Variants in ZAP70 observed in about 807,000 individuals in gnomAD.
ZAP70 encodes tyrosine-protein kinase ZAP-70.
Under a neutral mutation model 65.8 loss-of-function variants are expected in ZAP70, and 27 were observed. That is an observed-to-expected ratio of 0.41 (90% confidence interval 0.30 to 0.57). The LOEUF (loss-of-function observed/expected upper bound fraction) is 0.57. Ranked by LOEUF, ZAP70 falls within the 20% of genes least tolerant of loss-of-function variation. The pLI is 0.28. For missense variants in ZAP70, 696 were observed against 870.5 expected, an observed-to-expected ratio of 0.80 and a Z score of 2.52; for synonymous variants, 363 against 360.8, an observed-to-expected ratio of 1.01 and a Z score of -0.07.
chr2:97,724,621 G>A, intron 3 of ZAP70, 183 bp downstream of exon 3: 1 of 1,533,552 alleles, frequency 6.5e-7, no homozygotes, highest in Non-Finnish European at 8.7e-7. Flanking sequence ...CAGGGGCTCC[G>A]TGGTGGCGGT....
intron 4 of ZAP70, 197 bp from the exon 5 acceptor site, chr2:97,732,686 C>T (rs1677657567): frequency 1.4e-6 from 1 of 726,572 alleles, no homozygotes; most frequent in Admixed American, 2.6e-5. Context: ...CATGGCCCCT[C>T]CACCGCCCTC....
the ZAP70 span, among the ~76,000 whole-genome samples, chr2:97,750,988 G>A: frequency 1.3e-5 from 2 of 152,220 alleles, no homozygotes; most frequent in African/African-American, 4.8e-5. Flanking sequence ...TATGCATGAA[G>A]AGCAAATCAA....
chr2:97,732,039 G>A (rs528848936), intron 4 of ZAP70, among the ~76,000 whole-genome samples: 1 of 152,260 alleles, frequency 6.6e-6, no homozygotes, highest in South Asian at 2.1e-4. Context: ...GGGTGCCGGT[G>A]TCTGACACTA....
At position 97,735,312 on chromosome 2, in the gene ZAP70, A is replaced by G; in HGVS notation, c.1145A>G (p.Glu382Gly). The G allele has an allele frequency of 6.2e-7, 1 of 1,614,136 alleles. No homozygotes were observed. Among genetic ancestry groups the G allele is most frequent in the Non-Finnish European group, 8.5e-7 (1 of 1,179,984 alleles). ...GGCACGGAGAAGGCAGACACGGAAG[A>G]GATGATGCGCGAGGCGCAGATCATG... ...KQGTEKADTE[E>G]MMREAQIMHQ... Residue 382 changes from glutamate (E) to glycine (G), a missense_variant, in exon 10 of 14, where the codon GAG becomes GGG. Physicochemically the swap from Glu to Gly is moderately conservative, Grantham distance 98. Coordinates refer to ENST00000264972, the MANE Select transcript of ZAP70 (RefSeq NM_001079.4).
At chr2:97,720,585 C>T (rs1416825410) in intron 2 of ZAP70, among the ~76,000 whole-genome samples, 2 of 152,218 alleles carry the variant, frequency 1.3e-5, no homozygotes. Flanking sequence ...CTGCTGGCCC[C>T]ATGTGATCCA....
intron 4 of ZAP70, among the ~76,000 whole-genome samples, chr2:97,730,219 C>T (rs1009481781): frequency 6.6e-6 from 1 of 152,168 alleles, no homozygotes; most frequent in Admixed American, 6.5e-5. Flanking sequence ...AAGAGCAAAA[C>T]TCTGTCCCAA....
downstream of ZAP70, among the ~76,000 whole-genome samples, chr2:97,744,712 C>T (rs2104718915): frequency 6.6e-6 from 1 of 152,294 alleles, no homozygotes; most frequent in South Asian, 2.1e-4. Context: ...GGGAAGGTGA[C>T]ACAGCTGCAA....
chr2:97,747,718 G>A, the ZAP70 span, among the ~76,000 whole-genome samples: 1 of 149,318 alleles, frequency 6.7e-6, no homozygotes, highest in Non-Finnish European at 1.5e-5. Flanking sequence ...CTCTAAAATG[G>A]TTAAAGTGCA....
At chr2:97,732,602 G>A in intron 4 of ZAP70, 1 of 535,460 alleles carries the variant, frequency 1.9e-6, no homozygotes, top group East Asian at 3.3e-5. Flanking sequence ...TGTCCACCGT[G>A]GGGGGTCAGG....
At chr2:97,714,947 G>T (rs530800195) in intron 2 of ZAP70, among the ~76,000 whole-genome samples, 12 of 152,302 alleles carry the variant, frequency 7.9e-5, no homozygotes, top group African/African-American at 2.6e-4. Flanking sequence ...CTCACCAGCT[G>T]TGTGACTGGA....
At chr2:97,727,997 C>T (rs1677459890) in intron 4 of ZAP70, among the ~76,000 whole-genome samples, 1 of 152,140 alleles carries the variant, frequency 6.6e-6, no homozygotes, top group East Asian at 1.9e-4. Context: ...GGATTTGGGC[C>T]CCTGTTCCAG....
intron 4 of ZAP70, among the ~76,000 whole-genome samples, chr2:97,725,607 G>T (rs538609802): frequency 1.3e-5 from 2 of 152,210 alleles, no homozygotes; most frequent in African/African-American, 2.4e-5. Context: ...CTGAGCACAC[G>T]GCAGTGAGCC....
the ZAP70 span, among the ~76,000 whole-genome samples, chr2:97,748,729 T>C: frequency 6.6e-6 from 1 of 152,366 alleles, no homozygotes; most frequent in Non-Finnish European, 1.5e-5. Flanking sequence ...CTACCCAGCA[T>C]GCACTCTCCA....
chr2:97,743,454 G>A (rs978002862), downstream of ZAP70, among the ~76,000 whole-genome samples: 1 of 152,198 alleles, frequency 6.6e-6, no homozygotes, highest in African/African-American at 2.4e-5. Flanking sequence ...TCCTGCCTCA[G>A]CCTCCTGAGT....
rs766543418 is a variant in ZAP70 at position 97,736,430 on chromosome 2, A to T, written c.1289+974A>T. Among the ~76,000 whole-genome samples the T allele has an allele frequency of 5.3e-5, 8 of 152,172 alleles. No homozygotes were observed. Among genetic ancestry groups the T allele is most frequent in the Non-Finnish European group, 1.2e-4 (8 of 68,032 alleles). On this transcript the variant is annotated intron_variant, in intron 10 of 13. Coordinates refer to ENST00000264972, the MANE Select transcript of ZAP70 (RefSeq NM_001079.4). This position sits in a 1 kb window ranked among gnomAD's most constrained non-coding sequence, Gnocchi z 4.0. ...CCTGGCTCCCACATTCAGTCATTTG[A>T]CAGGTGTTTATTGGACAGTTTCTCA...
downstream of ZAP70, among the ~76,000 whole-genome samples, chr2:97,740,939 A>G (rs1291753503): frequency 2.0e-5 from 3 of 152,244 alleles, no homozygotes; most frequent in Non-Finnish European, 4.4e-5. Flanking sequence ...GGTCATCGCC[A>G]TCATGGAGGC....
chr2:97,720,473 G>A lies in ZAP70; in HGVS notation c.-21-3543G>A, dbSNP rs961200230. On this transcript the variant is annotated intron_variant, in intron 2 of 13. Transcript: ENST00000264972. The stretch of plus-strand genomic sequence containing the variant: ...TCAAACTCCTGACTTTAGGTGATCC[G>A]CCTGCCTCGGCCTCCCAAAGTGTGG... 4.0e-5 allele frequency among the ~76,000 whole-genome samples: 6 copies of A among 151,760 alleles called. 1 individual carries two copies. The highest frequency in any genetic ancestry group is 7.4e-5 in the Non-Finnish European group (5 of 67,924).
the ZAP70 span, among the ~76,000 whole-genome samples, chr2:97,747,871 A>G: frequency 1.2e-4 from 14 of 115,348 alleles, no homozygotes; most frequent in Non-Finnish European, 1.6e-5. Context: ...TGGCCGAGCC[A>G]TCTGTTGTGA....
rs1008492987 is a variant in ZAP70 at position 97,734,786 on chromosome 2, C to A, written c.1082+74C>A. Reference sequence around the variant, plus strand: ...GGAGTGGCTTCACCGGGCTGTGGGACGGGAGCCGGGATGTCTGTCTCACAG... The same window carrying A: ...GGAGTGGCTTCACCGGGCTGTGGGAAGGGAGCCGGGATGTCTGTCTCACAG... On this transcript the variant is annotated intron_variant, in intron 9 of 13. Transcript: ENST00000264972. 10 of 1,572,148 alleles carry A rather than the reference C, an allele frequency of 6.4e-6. No individual in the cohort carries two copies. In the Admixed American group the frequency reaches 1.5e-4, roughly 24 times the overall value.
Sources: allele counts gnomAD v4.1 joint callset (sites outside exome capture counted in the v4.1 genomes callset), GRCh38; gene constraint gnomAD v4.1.1; non-coding constraint Gnocchi (gnomAD v3.1); transcripts MANE v1.5; gene names NCBI Gene and HGNC (gene_info 2026-07-23, HGNC 2026-07-21).